The following FAM156A variants were observed in gnomAD, a reference collection of about 807,000 sequenced individuals.
FAM156A encodes family with sequence similarity 156 member A, also known as protein FAM156A/FAM156B.
intron 1 of FAM156A, among the ~76,000 whole-genome samples, chrX:52,976,857 T>C (rs1208551973): frequency 2.7e-5 from 3 of 110,142 alleles, no homozygotes; most frequent in African/African-American, 9.9e-5. Flanking sequence ...AATATGTATA[T>C]ATAATAACAG....
chrX:52,977,101 CACACAT>C (rs1290144245), intron 1 of FAM156A, among the ~76,000 whole-genome samples: 1 of 97,304 alleles, frequency 1.0e-5, no homozygotes, highest in Non-Finnish European at 2.1e-5. Context: ...CACACACACA[CACACAT>C]ATATATATAT....
chrX:52,984,225 C>T (rs984430647), intron 1 of FAM156A, among the ~76,000 whole-genome samples: 90 of 111,824 alleles, frequency 8.0e-4, no homozygotes, highest in African/African-American at 2.9e-3. Flanking sequence ...TCACAGAATT[C>T]GTTCCTCCAG....
intron 1 of FAM156A, among the ~76,000 whole-genome samples, chrX:52,975,900 G>A (rs188955531): frequency 1.2e-3 from 131 of 111,722 alleles, no homozygotes; most frequent in Non-Finnish European, 1.8e-3. Flanking sequence ...TGGACATGCG[G>A]GTGTTTTGGT....
At chrX:52,988,025 C>T (rs1433597011) in intron 1 of FAM156A, among the ~76,000 whole-genome samples, 1 of 111,351 alleles carries the variant, frequency 9.0e-6, no homozygotes, top group African/African-American at 3.3e-5. Flanking sequence ...CCGAGGCGGG[C>T]GGATCAGAAG....
chrX:52,995,076 C>T (rs1458518135), intron 1 of FAM156A, among the ~76,000 whole-genome samples: 2 of 111,819 alleles, frequency 1.8e-5, no homozygotes, highest in Non-Finnish European at 3.8e-5. Flanking sequence ...GGACCCCAAA[C>T]GGCCCAGAGT....
At chrX:52,989,785 T>C (rs782278124) in intron 1 of FAM156A, among the ~76,000 whole-genome samples, 1 of 111,958 alleles carries the variant, frequency 8.9e-6, no homozygotes, top group Non-Finnish European at 1.9e-5. Flanking sequence ...TTGGTGGCCT[T>C]TTCCTGAGCC....
At chrX:52,985,633 T>TA (rs1325154039) in intron 1 of FAM156A, among the ~76,000 whole-genome samples, 3 of 111,610 alleles carry the variant, frequency 2.7e-5, no homozygotes, top group African/African-American at 9.8e-5. Context: ...AAAACTTTAA[T>TA]ACAAGTTAGA....
intron 1 of FAM156A, among the ~76,000 whole-genome samples, chrX:52,991,620 T>C (rs964703206): frequency 8.9e-6 from 1 of 112,192 alleles, no homozygotes; most frequent in Non-Finnish European, 1.9e-5. Flanking sequence ...CATGCTGTTC[T>C]CCTCTACAGG....
In FAM156A at chrX:52,986,269, GA is replaced by G. The variant is rs781956805; in HGVS notation, c.-434+9036del. 4.5e-3 allele frequency among the ~76,000 whole-genome samples: 461 copies of G among 102,925 alleles called. 3 individuals are homozygous for G. Among genetic ancestry groups the G allele is most frequent in the Non-Finnish European group, 7.1e-3 (357 of 50,269 alleles). The allele number at this position is 102,925 out of a possible 115,157, so 89.4% of individuals were successfully genotyped here. A position where few individuals can be genotyped will look rare whatever the true frequency, so the allele number is the denominator to read the frequency against. On this transcript the variant is annotated intron_variant, in intron 1 of 4. Transcript: ENST00000610625. Reference sequence around the variant, plus strand: ...AAAATAAAAAAATAAAATCACTGCAGAAAAAAAAAACATGGAATTGATGGTT... The same window carrying G: ...AAAATAAAAAAATAAAATCACTGCAGAAAAAAAAACATGGAATTGATGGTT...
chrX:52,973,485 C>A (rs1260245881), intron 1 of FAM156A, among the ~76,000 whole-genome samples: 1 of 109,231 alleles, frequency 9.2e-6, no homozygotes, highest in Non-Finnish European at 1.9e-5. Context: ...ATGAATGTGA[C>A]ATAAACATGT....
intron 1 of FAM156A, among the ~76,000 whole-genome samples, chrX:52,984,673 G>T (rs1382531292): frequency 1.1e-4 from 12 of 111,551 alleles, no homozygotes; most frequent in African/African-American, 3.9e-4. Flanking sequence ...TTTGAGACCA[G>T]CCTGGCCAAC....
chrX:52,992,551 G>A (rs1421963332), intron 1 of FAM156A, among the ~76,000 whole-genome samples: 4 of 111,271 alleles, frequency 3.6e-5, no homozygotes, highest in Non-Finnish European at 7.6e-5. Context: ...GCAGGAGTCA[G>A]GGACACTCAC....
intron 1 of FAM156A, among the ~76,000 whole-genome samples, chrX:52,974,482 G>T (rs1929292880): frequency 9.1e-6 from 1 of 110,463 alleles, no homozygotes; most frequent in Admixed American, 9.6e-5. Flanking sequence ...AACAAATTAA[G>T]TTTTTTTTTG....
At position 52,993,393 on chromosome X, in the gene FAM156A, C is replaced by T. The variant is rs185830207; in HGVS notation, c.-434+1913G>A. Among the ~76,000 whole-genome samples the T allele has an allele frequency of 1.1e-3, 107 of 101,227 alleles. 1 individual carries two copies. Among genetic ancestry groups the T allele is most frequent in the Non-Finnish European group, 1.0e-3 (52 of 50,502 alleles). The allele number at this position is 101,227 out of a possible 115,157, so 87.9% of individuals were successfully genotyped here. A position where few individuals can be genotyped will look rare whatever the true frequency, so the allele number is the denominator to read the frequency against. ...CCTGCCCACTTACCCATTTACCTGACCCTGTCTTAACTTTCTTTTTTTTTT... is the reference window on the plus strand; with the variant it reads ...CCTGCCCACTTACCCATTTACCTGATCCTGTCTTAACTTTCTTTTTTTTTT... On this transcript the variant is annotated intron_variant, in intron 1 of 4. Coordinates refer to the FAM156A transcript ENST00000610625.
chrX:52,974,975 T>G (rs1399037618), intron 1 of FAM156A, among the ~76,000 whole-genome samples: 2 of 109,308 alleles, frequency 1.8e-5, no homozygotes, highest in African/African-American at 3.3e-5. Context: ...GCTCCTCAGG[T>G]CAGAAGCAAG....
At chrX:52,990,165 T>TA (rs782558138) in intron 1 of FAM156A, among the ~76,000 whole-genome samples, 1 of 110,610 alleles carries the variant, frequency 9.0e-6, no homozygotes, top group East Asian at 2.9e-4. Context: ...GAGTGAATGT[T>TA]TAAGACTGTT....
At chrX:52,973,912 C>T (rs782518746) in intron 1 of FAM156A, among the ~76,000 whole-genome samples, 107 of 111,441 alleles carry the variant, frequency 9.6e-4, no homozygotes, top group Non-Finnish European at 1.7e-3. Flanking sequence ...AAACCACCCA[C>T]CTCGACCTCC....
chrX:52,992,107 C>T (rs1316894203), intron 1 of FAM156A, among the ~76,000 whole-genome samples: 1 of 105,714 alleles, frequency 9.5e-6, no homozygotes, highest in African/African-American at 3.5e-5. Flanking sequence ...CTGCACCTAC[C>T]CTGCTTGGCG....
intron 1 of FAM156A, among the ~76,000 whole-genome samples, chrX:52,993,916 G>A (rs903937544): frequency 4.5e-5 from 5 of 111,080 alleles, no homozygotes; most frequent in Non-Finnish European, 9.4e-5. Context: ...ACATTGCTAA[G>A]ATGCACAGAT....
Sources: allele counts gnomAD v4.1 joint callset (sites outside exome capture counted in the v4.1 genomes callset), GRCh38; gene constraint gnomAD v4.1.1; transcripts MANE v1.5; gene names NCBI Gene and HGNC (gene_info 2026-07-23, HGNC 2026-07-21).